ADAMTS9: variants seen among roughly 807,000 people sequenced by gnomAD.
The protein encoded by ADAMTS9 is ADAM metallopeptidase with thrombospondin type 1 motif 9, also known as A disintegrin and metalloproteinase with thrombospondin motifs 9.
ADAMTS9 carries 107 observed loss-of-function variants against 257.1 expected under a neutral mutation model. The ratio of observed to expected loss-of-function variants is 0.42; its 90% confidence interval spans 0.36 to 0.49. ADAMTS9 has a LOEUF of 0.49. ADAMTS9 is among the 20% of genes least tolerant of loss of function. ADAMTS9 has a pLI of 0.03. For synonymous variants in ADAMTS9, 982 were observed against 880.9 expected (o/e 1.11, Z -2.03); for missense variants, 2,353 against 2,469.1 (o/e 0.95, Z 1.00).
chr3:64,617,383 C>T (rs1409761354), intron 19 of ADAMTS9, among the ~76,000 whole-genome samples: 2 of 152,078 alleles, frequency 1.3e-5, no homozygotes, highest in Admixed American at 6.5e-5. Flanking sequence ...GGCTCAAGTG[C>T]CCCTGACAGT....
At chr3:64,639,312 TAAAAAAAAA>T (rs761906399) in intron 12 of ADAMTS9, among the ~76,000 whole-genome samples, 4 of 89,224 alleles carry the variant, frequency 4.5e-5, no homozygotes, top group Non-Finnish European at 5.9e-5. Context: ...TTTTTTTTTT[TAAAAAAAAA>T]AAAAAAAAAA....
intron 39 of ADAMTS9, among the ~76,000 whole-genome samples, chr3:64,519,479 G>A (rs2082822797): frequency 6.6e-6 from 1 of 151,902 alleles, no homozygotes; most frequent in South Asian, 2.1e-4. Flanking sequence ...ACCAATACCT[G>A]GCAAAAACAC....
chr3:64,616,044 G>A lies in ADAMTS9; in HGVS notation c.2940C>T (p.Cys980=), dbSNP rs774987277. 4 of 1,613,862 alleles carry A rather than the reference G, an allele frequency of 2.5e-6. No individual in the cohort carries two copies. Among genetic ancestry groups the A allele is most frequent in the Non-Finnish European group, 3.4e-6 (4 of 1,179,962 alleles). The part of the protein sequence containing the change: ...GKTEKVDDGF[C]SSHPKPSNRE... ...GGTTGCTTGGTTTGGGATGGCTGCTGCAAAAACCATCATCAACCTTCTCAG... is the reference window on the plus strand; with the variant it reads ...GGTTGCTTGGTTTGGGATGGCTGCTACAAAAACCATCATCAACCTTCTCAG... Residue 980 remains cysteine, a synonymous_variant, in exon 20 of 40, where the codon TGC becomes TGT. Transcript: ENST00000498707.
intron 29 of ADAMTS9, among the ~76,000 whole-genome samples, chr3:64,568,120 A>G (rs144266049): frequency 4.5e-4 from 69 of 152,200 alleles, no homozygotes; most frequent in African/African-American, 1.6e-3. Flanking sequence ...TCTGATCCCT[A>G]TTTCCACTTA....
intron 38 of ADAMTS9, among the ~76,000 whole-genome samples, chr3:64,522,933 A>G (rs1332357077): frequency 1.3e-5 from 2 of 152,232 alleles, no homozygotes; most frequent in African/African-American, 2.4e-5. Flanking sequence ...CTGTGCTAAA[A>G]GAATACAATA....
At position 64,568,524 on chromosome 3, in the gene ADAMTS9, A is replaced by G. The variant is rs2106682633; in HGVS notation, c.4368T>C (p.Ser1456=). The G allele has an allele frequency of 6.2e-7, 1 of 1,614,016 alleles. No homozygotes were observed. The highest frequency in any genetic ancestry group is 2.2e-5 in the East Asian group (1 of 44,874). ...TTCGTTGTTTATGCCCTCGACCACAAGAGACAGAACACTGCAATATAAAGC... is the reference window on the plus strand; with the variant it reads ...TTCGTTGTTTATGCCCTCGACCACAGGAGACAGAACACTGCAATATAAAGC... ...STGPWSSCSV[S]CGRGHKQRNV... The change falls in exon 29 of 40, where the codon TCT becomes TCC. Residue 1456 remains serine (S), a synonymous_variant. Transcript: ENST00000498707.
intron 8 of ADAMTS9, among the ~76,000 whole-genome samples, chr3:64,652,129 C>T (rs950870938): frequency 6.6e-6 from 1 of 152,200 alleles, no homozygotes; most frequent in African/African-American, 2.4e-5. Flanking sequence ...ATCCCCAATG[C>T]ATGTAATTAA....
rs755480110 is a variant in ADAMTS9 at position 64,517,416 on chromosome 3, G to GTTTTTTTTTTTTTTTTTTTTTTTT, written c.*6-296_*6-295insAAAAAAAAAAAAAAAAAAAAAAAA. 1.2e-3 allele frequency among the ~76,000 whole-genome samples: 62 copies of GTTTTTTTTTTTTTTTTTTTTTTTT among 52,670 alleles called. 20 individuals are homozygous for GTTTTTTTTTTTTTTTTTTTTTTTT. Among genetic ancestry groups the GTTTTTTTTTTTTTTTTTTTTTTTT allele is most frequent in the East Asian group, 2.1e-3 (3 of 1,446 alleles). 34.6% of individuals were successfully genotyped at this position (52,670 alleles called of 152,430 possible). On this transcript the variant is annotated intron_variant, in intron 39 of 39. Coordinates refer to ENST00000498707, the MANE Select transcript of ADAMTS9 (RefSeq NM_182920.2). ...CATCAAGCCCAGCTAATTAAAAATG[G>GTTTTTTTTTTTTTTTTTTTTTTTT]TTTTTTTTTTTTTTTTTTTTTTTGC...
At chr3:64,654,680 A>G (rs1333726715) in intron 6 of ADAMTS9, 68 bp from the exon 7 acceptor site, 1 of 1,545,530 alleles carries the variant, frequency 6.5e-7, no homozygotes, top group Non-Finnish European at 8.9e-7. Context: ...TAAATACTTT[A>G]GGGTCGTCTA....
Position 64,641,923 on chromosome 3 carries a change from C to A in ADAMTS9, c.1781G>T (p.Trp594Leu). The change falls in exon 12 of 40, where the codon TGG becomes TTG. Residue 594 changes from tryptophan (W) to leucine (L), a missense_variant. Physicochemically the swap from Trp to Leu is moderately conservative, Grantham distance 61. Coordinates refer to ENST00000498707, the MANE Select transcript of ADAMTS9 (RefSeq NM_182920.2). ...TCTGGAGCAGGTTCCAAAGGGACTCCAACTTCCCCAGGATCCATCTGTCAC... is the reference window on the plus strand; with the variant it reads ...TCTGGAGCAGGTTCCAAAGGGACTCAAACTTCCCCAGGATCCATCTGTCAC... Reference protein sequence around the residue: ...VPVTDGSWGSWSPFGTCSRTC... With the variant: ...VPVTDGSWGSLSPFGTCSRTC... 1 of 1,614,090 alleles carries A rather than the reference C, an allele frequency of 6.2e-7. No homozygotes were observed.
intron 2 of ADAMTS9, chr3:64,685,433 C>T (rs1701874720): frequency 6.6e-6 from 1 of 152,266 alleles, no homozygotes; most frequent in Non-Finnish European, 1.5e-5. Flanking sequence ...CCTACGACCC[C>T]ATTGCGCTTA....
intron 38 of ADAMTS9, among the ~76,000 whole-genome samples, chr3:64,524,253 C>T (rs567854153): frequency 6.6e-6 from 1 of 152,282 alleles, no homozygotes; most frequent in South Asian, 2.1e-4. Flanking sequence ...AATTGAGGAG[C>T]TTCAATCTCA....
In ADAMTS9 at chr3:64,649,624, C is replaced by A; in HGVS notation, c.1605+13G>T. The A allele has an allele frequency of 6.2e-7, 1 of 1,609,232 alleles. No individual in the cohort carries two copies. The highest frequency in any genetic ancestry group is 8.5e-7 in the Non-Finnish European group (1 of 1,177,512). ...TCAGTAGATGAGGGCAGAAGTGGCC[C>A]TCCTACACTTACCATATATGGGCAC... On this transcript the variant is annotated intron_variant, in intron 10 of 39. Transcript: ENST00000498707.
Position 64,658,763 on chromosome 3 carries a change from C to T in ADAMTS9, c.708G>A (p.Lys236=). The T allele has an allele frequency of 6.2e-7, 1 of 1,613,958 alleles. No homozygotes were observed. Among genetic ancestry groups the T allele is most frequent in the African/African-American group, 1.3e-5 (1 of 75,020 alleles). Residue 236 remains lysine (K), a synonymous_variant, in exon 4 of 40, where the codon AAG becomes AAA. Coordinates refer to ENST00000498707, the MANE Select transcript of ADAMTS9 (RefSeq NM_182920.2). ...SEHKNRHSKD[K]KKTRARKWGE... ...CCCATTTTCTTGCTCTGGTTTTCTT[C>T]TTGTCTTTACTGTGCCTATTTTTGT...
intron 25 of ADAMTS9, among the ~76,000 whole-genome samples, chr3:64,603,233 G>C (rs1262873153): frequency 6.6e-6 from 1 of 152,112 alleles, no homozygotes; most frequent in African/African-American, 2.4e-5. Flanking sequence ...GCCAAGGTCT[G>C]GGTTTTTACA....
intron 14 of ADAMTS9, among the ~76,000 whole-genome samples, chr3:64,633,257 A>G (rs1700412833): frequency 6.6e-6 from 1 of 152,176 alleles, no homozygotes; most frequent in Non-Finnish European, 1.5e-5. Flanking sequence ...TGAAAATGTC[A>G]AGAAAAATCC....
chr3:64,548,605 G>A (rs556523760), intron 31 of ADAMTS9, among the ~76,000 whole-genome samples: 1 of 146,934 alleles, frequency 6.8e-6, no homozygotes, highest in Admixed American at 7.2e-5. Context: ...GTGGGGGGGA[G>A]CCCAGTGGGA....
At position 64,631,799 on chromosome 3, in the gene ADAMTS9, G is replaced by C; in HGVS notation, c.2293+9C>G. On this transcript the variant is annotated intron_variant, in intron 15 of 39. Coordinates refer to ENST00000498707, the MANE Select transcript of ADAMTS9 (RefSeq NM_182920.2). Reference sequence around the variant, plus strand: ...TTCCTTCTCATGGTTCTTAGGAGCAGATTCTTACCATAATGTACTGTATTA... The same window carrying C: ...TTCCTTCTCATGGTTCTTAGGAGCACATTCTTACCATAATGTACTGTATTA... The C allele has an allele frequency of 6.2e-7, 1 of 1,603,384 alleles. No individual in the cohort carries two copies. Among genetic ancestry groups the C allele is most frequent in the Non-Finnish European group, 8.5e-7 (1 of 1,171,082 alleles).
In ADAMTS9 at chr3:64,561,678, C is replaced by G. The variant is rs2083425998; in HGVS notation, c.4598G>C (p.Arg1533Thr). The G allele has an allele frequency of 6.2e-7, 1 of 1,613,932 alleles. No individual in the cohort carries two copies. Among genetic ancestry groups the G allele is most frequent in the East Asian group, 2.2e-5 (1 of 44,842 alleles). The change falls in exon 30 of 40, where the codon AGA (arginine) becomes ACA (threonine). Residue 1533 changes from arginine (R) to threonine (T), a missense_variant. By Grantham distance (71) the Arg-to-Thr change is moderately conservative. This residue lies in a region of ADAMTS9 where 1,402 missense variants were observed against 1,441.4 expected (regional missense o/e 0.97). Coordinates refer to ENST00000498707, the MANE Select transcript of ADAMTS9 (RefSeq NM_182920.2). The part of the protein sequence containing the change: ...GCQIGTHKIA[R>T]ETECNPYTRP... Reference sequence around the variant, plus strand: ...GGTGTATGGGTTGCACTCGGTCTCTCTGGCTATTTTGTGTGTTCCGATCTG... The same window carrying G: ...GGTGTATGGGTTGCACTCGGTCTCTGTGGCTATTTTGTGTGTTCCGATCTG...
Sources: gnomAD v4.1 joint callset for allele counts (sites outside exome capture counted in the v4.1 genomes callset) on GRCh38, gnomAD v4.1.1 for gene constraint, gnomAD v4.1.1 regional missense constraint, MANE v1.5 for transcripts, NCBI Gene and HGNC (gene_info 2026-07-23, HGNC 2026-07-21) for gene names.